Variants in SORD observed in about 807,000 individuals in gnomAD.
SORD encodes the protein sorbitol dehydrogenase.
In SORD, 18 loss-of-function variants were observed where a neutral mutation model predicts 35.6. That is an observed-to-expected ratio of 0.51 (90% CI 0.35 to 0.75). The LOEUF (loss-of-function observed/expected upper bound fraction) is 0.75. SORD is among the 30% of genes least tolerant of loss of function. The pLI, the probability that SORD is intolerant of heterozygous loss-of-function variation, is 0.01. For synonymous variants in SORD, 106 were observed against 152.9 expected (o/e 0.69, Z 2.26); for missense variants, 250 against 390.2 (o/e 0.64, Z 3.03).
rs750294915 is a variant in SORD, at chr15:45,065,300, G to A, written c.455G>A (p.Gly152Asp). The change falls in exon 5 of 9, where the codon GGC (glycine) becomes GAC (aspartate). Residue 152 changes from glycine (G) to aspartate (D), a missense_variant. This residue lies in a region of SORD where 126 missense variants were observed against 148.7 expected (regional missense o/e 0.85). Coordinates refer to ENST00000267814, the MANE Select transcript of SORD (RefSeq NM_003104.6). ...KLPDNVTFEE[G>D]ALIEPLSVGI... ...CCTGACAATGTCACCTTTGAGGAAG[G>A]CGCCCTGATCGAGCCACTTTCTGTG... 1.9e-6 allele frequency: 3 copies of A among 1,614,028 alleles called. No homozygotes were observed. The highest frequency in any genetic ancestry group is 2.2e-5 in the East Asian group (1 of 44,880).
intron 3 of SORD, among the ~76,000 whole-genome samples, chr15:45,049,401 A>C (rs1014206104): frequency 6.6e-6 from 1 of 152,100 alleles, no homozygotes; most frequent in Non-Finnish European, 1.5e-5. Context: ...AGGTGTGTCT[A>C]TGTGTGGTTC....
At chr15:45,067,127 T>C (rs2576107) in intron 5 of SORD, among the ~76,000 whole-genome samples, 106,439 of 152,080 alleles carry the variant, frequency 0.7, 42,922 homozygotes, top group South Asian at 0.9. Flanking sequence ...TTTGGGAGGC[T>C]GAAGCAGTCG....
chr15:45,037,184 T>G (rs1892881213), intron 1 of SORD, among the ~76,000 whole-genome samples: 1 of 152,124 alleles, frequency 6.6e-6, no homozygotes, highest in Non-Finnish European at 1.5e-5. Context: ...GGGAGAGGAA[T>G]TTATTTGAAC....
intron 3 of SORD, 141 bp from the exon 4 acceptor site, chr15:45,060,926 A>T: frequency 6.6e-7 from 1 of 1,509,810 alleles, no homozygotes; most frequent in Non-Finnish European, 8.9e-7. Flanking sequence ...CTCATCTGGC[A>T]TCTGCCCATG....
chr15:45,051,090 A>G (rs1893116826), intron 3 of SORD, among the ~76,000 whole-genome samples: 1 of 152,258 alleles, frequency 6.6e-6, no homozygotes, highest in Non-Finnish European at 1.5e-5. Flanking sequence ...ATAGCTGATT[A>G]TAAACTATCT....
At chr15:45,044,702 CT>C (rs58726175) in intron 3 of SORD, among the ~76,000 whole-genome samples, 100,897 of 114,394 alleles carry the variant, frequency 0.88, 43,891 homozygotes, top group Middle Eastern at 0.96. Context: ...CTTTCTTTTT[CT>C]TTTTTTTTTT....
intron 7 of SORD, among the ~76,000 whole-genome samples, chr15:45,069,440 G>A (rs1238394469): frequency 1.3e-4 from 20 of 151,882 alleles, no homozygotes; most frequent in Admixed American, 2.6e-4. Flanking sequence ...GCCATCTCCT[G>A]ACCTCATGAT....
intron 1 of SORD, among the ~76,000 whole-genome samples, chr15:45,037,955 C>A (rs1214480562): frequency 1.6e-4 from 24 of 148,438 alleles, no homozygotes; most frequent in Middle Eastern, 3.4e-3. Flanking sequence ...TATCCCAGAA[C>A]TTAAAGTAAA....
chr15:45,067,484 G>A (rs1893425470), intron 5 of SORD, among the ~76,000 whole-genome samples: 2 of 152,102 alleles, frequency 1.3e-5, no homozygotes, highest in South Asian at 4.1e-4. Context: ...TCAGTATTTT[G>A]TTTTCTGAGG....
intron 1 of SORD, among the ~76,000 whole-genome samples, chr15:45,038,355 G>A (rs1211867550): frequency 1.3e-5 from 2 of 152,192 alleles, no homozygotes; most frequent in African/African-American, 4.8e-5. Flanking sequence ...ATAGTAGGAT[G>A]TACCATGTAG....
In SORD at chr15:45,074,634, C is replaced by A; in HGVS notation, c.*1104C>A. The stretch of plus-strand genomic sequence containing the variant: ...GATTTAGACCTAAATCGCATCATGC[C>A]AACTTGTGACTTTGAGACTATTCAT... On this transcript the variant is annotated 3_prime_UTR_variant, in exon 9 of 9. Coordinates refer to ENST00000267814, the MANE Select transcript of SORD (RefSeq NM_003104.6). 7.4e-6 allele frequency: 1 copy of A among 135,764 alleles called. No individual in the cohort carries two copies. Among genetic ancestry groups the A allele is most frequent in the Admixed American group, 6.8e-5 (1 of 14,688 alleles). The allele number at this position is 135,764 out of a possible 1,614,324, so 8.4% of individuals were successfully genotyped here.
At chr15:45,036,230 A>T (rs939489256) in intron 1 of SORD, 9 of 425,450 alleles carry the variant, frequency 2.1e-5, no homozygotes, top group African/African-American at 1.9e-4. Flanking sequence ...TCATTGTTGA[A>T]GTCAGTGAGA....
At chr15:45,035,245 G>A (rs1490921199) in intron 1 of SORD, among the ~76,000 whole-genome samples, 1 of 152,180 alleles carries the variant, frequency 6.6e-6, no homozygotes, top group Non-Finnish European at 1.5e-5. Context: ...CTGGCAAGCA[G>A]CTCCACCTGC....
intron 1 of SORD, among the ~76,000 whole-genome samples, chr15:45,032,370 T>C (rs933397813): frequency 1.3e-5 from 2 of 152,172 alleles, no homozygotes; most frequent in African/African-American, 2.4e-5. Context: ...TTTTGAGACA[T>C]TTAGAATCAC....
intron 1 of SORD, among the ~76,000 whole-genome samples, chr15:45,038,972 A>C (rs1395189088): frequency 6.6e-6 from 1 of 152,178 alleles, no homozygotes; most frequent in African/African-American, 2.4e-5. Flanking sequence ...GGCACAGTGG[A>C]AGCAGGCTTC....
At chr15:45,063,693 A>G (rs1893359874) in intron 4 of SORD, among the ~76,000 whole-genome samples, 1 of 152,096 alleles carries the variant, frequency 6.6e-6, no homozygotes, top group African/African-American at 2.4e-5. Flanking sequence ...CACGCAAGCC[A>G]CCCTCTGCAT....
chr15:45,029,193 A>C (rs76440595), intron 1 of SORD, among the ~76,000 whole-genome samples: 31,129 of 150,666 alleles, frequency 0.21, no homozygotes, highest in African/African-American at 0.44. Context: ...CAACAAAACA[A>C]AACCCAAACT....
chr15:45,023,350 G>A lies in SORD; in HGVS notation c.66+1G>A. ...GCACGGACCGGGGGACTTGCGCCTG[G>A]TAAGCTGGGAAGGAGGGTGGGAAGC... On this transcript the variant is annotated splice_donor_variant, in intron 1 of 8. Transcript: ENST00000267814. LOFTEE classifies it high-confidence loss of function. The A allele has an allele frequency of 1.3e-6, 2 of 1,572,878 alleles. No individual in the cohort carries two copies. Among genetic ancestry groups the A allele is most frequent in the African/African-American group, 1.4e-5 (1 of 72,792 alleles).
intron 3 of SORD, among the ~76,000 whole-genome samples, chr15:45,055,798 A>G: frequency 6.6e-6 from 1 of 152,214 alleles, no homozygotes. Context: ...ACCATGATCA[A>G]GTGGGCTTCA....
Sources: allele counts gnomAD v4.1 joint callset (sites outside exome capture counted in the v4.1 genomes callset), GRCh38; gene constraint gnomAD v4.1.1; regional missense constraint gnomAD v4.1.1; transcripts MANE v1.5; gene names NCBI Gene and HGNC (gene_info 2026-07-23, HGNC 2026-07-21).